Variants in RTTN observed in about 807,000 individuals in gnomAD.
RTTN encodes the protein rotatin.
A neutral mutation model predicts 269.2 loss-of-function variants in RTTN; 182 were observed. The observed-to-expected ratio is 0.68, with a 90% CI of 0.60 to 0.76. The LOEUF is 0.76. RTTN is among the 30% of genes least tolerant of loss of function. The probability of loss-of-function intolerance (pLI) is 0.00; values close to 1 mark genes in which losing one functional copy is unlikely to be tolerated. For missense variants in RTTN, 2,545 were observed against 2,608.6 expected (o/e 0.98, Z 0.53); for synonymous variants, 1,006 against 963.5 (o/e 1.04, Z -0.82).
At chr18:70,052,604 C>T (rs2057700820) in intron 38 of RTTN, among the ~76,000 whole-genome samples, 2 of 148,948 alleles carry the variant, frequency 1.3e-5, no homozygotes, top group Non-Finnish European at 3.0e-5. Flanking sequence ...AGCTTTGCAC[C>T]TATACTTGCT....
At chr18:70,073,361 T>C (rs946886996) in intron 34 of RTTN, among the ~76,000 whole-genome samples, 1 of 152,124 alleles carries the variant, frequency 6.6e-6, no homozygotes, top group Non-Finnish European at 1.5e-5. Flanking sequence ...GTATTCCAGA[T>C]AAACTTCTAT....
At chr18:70,009,799 C>T (rs942218336) in intron 46 of RTTN, among the ~76,000 whole-genome samples, 4 of 151,928 alleles carry the variant, frequency 2.6e-5, no homozygotes, top group East Asian at 1.9e-4. Flanking sequence ...TTGGATGAAG[C>T]GTCAAGACCC....
At chr18:70,133,591 A>G (rs911188293) in intron 23 of RTTN, among the ~76,000 whole-genome samples, 1 of 130,164 alleles carries the variant, frequency 7.7e-6, no homozygotes, top group Non-Finnish European at 1.7e-5. Context: ...AGCAACATGG[A>G]CAAATCTCTC....
intron 32 of RTTN, among the ~76,000 whole-genome samples, chr18:70,080,577 A>G (rs2058538792): frequency 2.0e-5 from 3 of 152,212 alleles, no homozygotes; most frequent in African/African-American, 7.2e-5. Flanking sequence ...TAAATAAGCA[A>G]GGAAGAATGA....
chr18:70,185,013 T>C (rs1333346877), intron 10 of RTTN, among the ~76,000 whole-genome samples: 1 of 152,044 alleles, frequency 6.6e-6, no homozygotes, highest in Non-Finnish European at 1.5e-5. Flanking sequence ...ATTAAGTCAG[T>C]TGGGTATTGG....
chr18:70,047,786 G>C (rs2057532892), intron 40 of RTTN, among the ~76,000 whole-genome samples, 185 bp downstream of exon 40: 1 of 152,178 alleles, frequency 6.6e-6, no homozygotes, highest in Non-Finnish European at 1.5e-5. Context: ...GTCAACATAA[G>C]CGGGTGGGGC....
chr18:70,169,122 TTA>T (rs1437657197), intron 11 of RTTN, 55 bp from the exon 12 acceptor site: 17 of 1,358,254 alleles, frequency 1.3e-5, no homozygotes, highest in Non-Finnish European at 1.7e-5. Context: ...AAAACTTATT[TTA>T]GAGAAACATA....
At chr18:70,204,627 T>C (rs1286902675) in intron 2 of RTTN, among the ~76,000 whole-genome samples, 2 of 152,336 alleles carry the variant, frequency 1.3e-5, no homozygotes, top group South Asian at 2.1e-4. Flanking sequence ...TCTACCATTG[T>C]ACAGTGATTT....
intron 40 of RTTN, among the ~76,000 whole-genome samples, chr18:70,037,514 C>A (rs1156292244): frequency 1.3e-5 from 2 of 152,106 alleles, no homozygotes; most frequent in Admixed American, 1.3e-4. Context: ...AAAATGTGGG[C>A]CAAGGGAACC....
At chr18:70,159,496 G>GA (rs917854341) in intron 14 of RTTN, among the ~76,000 whole-genome samples, 26 of 152,074 alleles carry the variant, frequency 1.7e-4, no homozygotes, top group African/African-American at 6.0e-4. Flanking sequence ...TAGAAAGATT[G>GA]CAAACTAACA....
chr18:70,098,034 T>C (rs2059049298), intron 28 of RTTN, among the ~76,000 whole-genome samples: 1 of 138,396 alleles, frequency 7.2e-6, no homozygotes, highest in Admixed American at 8.1e-5. Flanking sequence ...AAATAGAGTA[T>C]TTATAAATCA....
At chr18:70,187,255 A>G (rs952732045) in intron 10 of RTTN, among the ~76,000 whole-genome samples, 8 of 152,202 alleles carry the variant, frequency 5.3e-5, no homozygotes, top group African/African-American at 1.9e-4. Context: ...TTCTATGCAC[A>G]TAAGACGTAT....
intron 25 of RTTN, among the ~76,000 whole-genome samples, chr18:70,124,274 T>C (rs893547312): frequency 4.6e-5 from 7 of 151,966 alleles, no homozygotes; most frequent in African/African-American, 1.7e-4. Flanking sequence ...ACAGAATGAA[T>C]ATCCTTCAAA....
At chr18:70,198,058 G>T (rs1014531871) in intron 5 of RTTN, among the ~76,000 whole-genome samples, 1 of 152,302 alleles carries the variant, frequency 6.6e-6, no homozygotes, top group African/African-American at 2.4e-5. Context: ...CGAGTTCAAT[G>T]AGGTCAAAGA....
chr18:70,121,455 TA>T, intron 26 of RTTN, 100 bp downstream of exon 26: 1 of 1,002,738 alleles, frequency 1.0e-6, no homozygotes. Flanking sequence ...TTACCAAGCA[TA>T]GACAATATAA....
In RTTN at chr18:70,121,418, T is replaced by C. The variant is rs1357880507; in HGVS notation, c.3528+138A>G. 1.4e-5 allele frequency: 9 copies of C among 639,122 alleles called. No homozygotes were observed. The African/African-American group carries it at 1.7e-4, about 12-fold the overall frequency. 39.6% of individuals were successfully genotyped at this position (639,122 alleles called of 1,614,324 possible). On this transcript the variant is annotated intron_variant, in intron 26 of 48. Coordinates refer to ENST00000640769, the MANE Select transcript of RTTN (RefSeq NM_173630.4). ...TCGTATCAGGAAAGCCATGTTGTTA[T>C]GAGCCATTCATTACATGAAGACTAC... is the stretch of plus-strand genomic sequence containing the variant.
chr18:70,017,724 T>A, intron 45 of RTTN, 50 bp from the exon 46 acceptor site: 3 of 1,495,172 alleles, frequency 2.0e-6, no homozygotes, highest in Middle Eastern at 2.1e-4. Flanking sequence ...TTTTCATTAT[T>A]TTCCTAGTCC....
intron 40 of RTTN, chr18:70,031,548 AAC>A (rs1271851904): frequency 2.6e-6 from 1 of 391,874 alleles, no homozygotes; most frequent in Non-Finnish European, 4.5e-6. Context: ...GTAATTCCGA[AAC>A]TACTATTTCT....
chr18:70,148,785 G>T, intron 17 of RTTN, 116 bp downstream of exon 17: 1 of 1,244,740 alleles, frequency 8.0e-7, no homozygotes, highest in Middle Eastern at 2.2e-4. Flanking sequence ...CTCTAGTAAT[G>T]GAATAACACC....
Sources: allele counts gnomAD v4.1 joint callset (sites outside exome capture counted in the v4.1 genomes callset), GRCh38; gene constraint gnomAD v4.1.1; transcripts MANE v1.5; gene names NCBI Gene and HGNC (gene_info 2026-07-23, HGNC 2026-07-21).